The following CWH43 variants were observed in gnomAD, a reference collection of about 807,000 sequenced individuals.
The protein encoded by CWH43 is cell wall biogenesis 43 C-terminal homolog.
A neutral mutation model predicts 85.7 loss-of-function variants in CWH43; 91 were observed. That is an observed-to-expected ratio of 1.06 (90% confidence interval 0.90 to 1.26). The LOEUF is 1.26. Among genes scored for constraint, CWH43 ranks in the 50% most tolerant of loss-of-function variants. The pLI is 0.00. For missense variants in CWH43, 869 were observed against 839.2 expected (o/e 1.04, Z -0.44); for synonymous variants, 323 against 293.6 (o/e 1.10, Z -1.02).
At chr4:49,048,175 A>T (rs1218414132) in intron 14 of CWH43, among the ~76,000 whole-genome samples, 1 of 152,088 alleles carries the variant, frequency 6.6e-6, no homozygotes, top group African/African-American at 2.4e-5. Context: ...AAATGTTGGG[A>T]ACCAAGGAAC....
chr4:49,050,790 C>A lies in CWH43; in HGVS notation c.1962C>A (p.Asp654Glu), dbSNP rs1433700128. The A allele has an allele frequency of 1.9e-6, 3 of 1,612,426 alleles. No individual in the cohort carries two copies. Among genetic ancestry groups the A allele is most frequent in the Non-Finnish European group, 2.5e-6 (3 of 1,178,796 alleles). Residue 654 changes from aspartate to glutamate, a missense_variant, in exon 15 of 16, where the codon GAC becomes GAA. Asp to Glu is a conservative substitution (Grantham distance 45, BLOSUM62 2). Around this residue, in one of 3 missense-constraint regions of CWH43, gnomAD observed 577 missense variants for 513.1 expected, o/e 1.12. Transcript: ENST00000226432. ...RIPDDPTNYR[D>E]NQKVVIDHRE... is the part of the protein sequence containing the mutation. ...CTGATGACCCCACTAATTATAGAGA[C>A]AACCAGAAAGTGGTCATAGACCACA...
At chr4:49,027,957 C>T (rs76687852) in intron 9 of CWH43, among the ~76,000 whole-genome samples, 2,746 of 152,224 alleles carry the variant, frequency 0.018, 36 homozygotes, top group South Asian at 0.035. Flanking sequence ...CTTGACCTTT[C>T]CAGTACAGCA....
At chr4:49,039,532 T>C (rs528295666) in intron 13 of CWH43, among the ~76,000 whole-genome samples, 1 of 149,068 alleles carries the variant, frequency 6.7e-6, no homozygotes, top group African/African-American at 2.5e-5. Flanking sequence ...CTTGGTCCCT[T>C]TCATTCCATT....
At position 49,011,620 on chromosome 4, in the gene CWH43, C is replaced by T. The variant is rs190287404; in HGVS notation, c.1186+4294C>T. ...CTGGTTGGCGTGTTTTTGCAGGTACCGGTTGTTCCTGTCCATGTTTAGTGC... is the reference window on the plus strand; with the variant it reads ...CTGGTTGGCGTGTTTTTGCAGGTACTGGTTGTTCCTGTCCATGTTTAGTGC... On this transcript the variant is annotated intron_variant, in intron 8 of 15. Transcript: ENST00000226432. Among the ~76,000 whole-genome samples the T allele has an allele frequency of 2.4e-4, 37 of 152,140 alleles. No individual in the cohort carries two copies. The East Asian group carries it at 6.6e-3, about 27-fold the overall frequency.
rs367624415 is a variant in CWH43, at chr4:49,030,958, G to A, written c.1506G>A (p.Trp502Ter). The change falls in exon 11 of 16, where the codon TGG becomes TGA. Residue 502 changes from tryptophan to a stop codon, truncating the protein, a stop_gained and splice_region_variant. Transcript: ENST00000226432. LOFTEE classifies it high-confidence loss of function. ...GTCCAAGCACAAGGTATCACACTTG[G>A]GGGTGAGTATACCTTGGGAGTTAAT... ...DFGPSTRYHT[W>*]GIMALSRYPI... 2.6e-5 allele frequency: 41 copies of A among 1,586,920 alleles called. No homozygotes were observed. Among genetic ancestry groups the A allele is most frequent in the Non-Finnish European group, 3.4e-5 (40 of 1,170,592 alleles).
intron 1 of CWH43, chr4:48,986,710 C>G (rs1054438571): frequency 7.4e-7 from 1 of 1,349,320 alleles, no homozygotes; most frequent in Non-Finnish European, 9.5e-7. Context: ...CCCCGTCGCC[C>G]GAGTTCCCAG....
Position 49,044,833 on chromosome 4 carries a change from T to G in CWH43, c.1851T>G (p.Tyr617Ter), listed in dbSNP as rs761962141. 2.5e-6 allele frequency: 4 copies of G among 1,613,150 alleles called. No individual in the cohort carries two copies. In the East Asian group the frequency reaches 6.7e-5, roughly 27 times the overall value. ...DHDRWCEYIM[Y>*]RGLIRLGYAR... is the part of the protein sequence containing the mutation. ...ACAGATGGTGTGAATACATTATGTA[T>G]CGAGGGCTGATCAGGTGAGCACAGG... Residue 617 changes from tyrosine (Y) to a stop codon, truncating the protein, a stop_gained, in exon 14 of 16, where the codon TAT (tyrosine) becomes TAG (stop). Transcript: ENST00000226432. LOFTEE classifies it high-confidence loss of function.
chr4:49,026,719 T>C (rs1466677351), intron 9 of CWH43, among the ~76,000 whole-genome samples: 1 of 152,218 alleles, frequency 6.6e-6, no homozygotes, highest in African/African-American at 2.4e-5. Flanking sequence ...CATTATTTTG[T>C]TCCTTTTCAT....
At chr4:49,020,416 C>CACACACACACACACACATATAT (rs140534523) in intron 9 of CWH43, among the ~76,000 whole-genome samples, 30 of 128,390 alleles carry the variant, frequency 2.3e-4, no homozygotes, top group Admixed American at 5.4e-4. Context: ...CACACACACA[C>CACACACACACACACACATATAT]ATATATATAT....
intron 13 of CWH43, among the ~76,000 whole-genome samples, chr4:49,043,074 T>C (rs973890020): frequency 2.6e-5 from 4 of 152,162 alleles, no homozygotes; most frequent in Admixed American, 1.3e-4. Flanking sequence ...GCCTAGATGA[T>C]GCTGCATTTA....
chr4:49,039,791 A>T (rs1448317062), intron 13 of CWH43, among the ~76,000 whole-genome samples: 1 of 152,066 alleles, frequency 6.6e-6, no homozygotes, highest in Non-Finnish European at 1.5e-5. Context: ...CATGTGCACA[A>T]TGTGCAGGTT....
chr4:49,026,484 T>A (rs1288491588), intron 9 of CWH43, among the ~76,000 whole-genome samples: 1 of 152,154 alleles, frequency 6.6e-6, no homozygotes, highest in Admixed American at 6.5e-5. Context: ...TAGTTTTGCC[T>A]CCTATTTGTC....
At position 49,029,090 on chromosome 4, in the gene CWH43, G is replaced by A. The variant is rs548469812; in HGVS notation, c.1372+356G>A. On this transcript the variant is annotated intron_variant, in intron 10 of 15. Coordinates refer to ENST00000226432, the MANE Select transcript of CWH43 (RefSeq NM_025087.3). Reference sequence around the variant, plus strand: ...GGGGACCAGAAGACTTGGATCAAAAGGCAGAATGGGTTGTAGGGAAAAGAA... The same window carrying A: ...GGGGACCAGAAGACTTGGATCAAAAAGCAGAATGGGTTGTAGGGAAAAGAA... 4.6e-5 allele frequency among the ~76,000 whole-genome samples: 7 copies of A among 152,304 alleles called. No individual in the cohort carries two copies. The East Asian group carries it at 1.4e-3, about 29-fold the overall frequency.
chr4:48,993,652 T>A (rs898743378), intron 4 of CWH43, among the ~76,000 whole-genome samples: 5 of 152,236 alleles, frequency 3.3e-5, no homozygotes, highest in African/African-American at 1.2e-4. Context: ...GACCTCTTGG[T>A]TAAACAGTAC....
rs1490187499 is a variant in CWH43 at position 49,011,299 on chromosome 4, C to A, written c.1186+3973C>A. Among the ~76,000 whole-genome samples, 9 of 152,082 alleles carry A rather than the reference C, an allele frequency of 5.9e-5. No individual in the cohort carries two copies. In the East Asian group the frequency reaches 1.7e-3, roughly 29 times the overall value. Reference sequence around the variant, plus strand: ...TTGTATCAGAGACTAGGATTGCAACCCCTGCTTTTTTTTTGCTTTCCATTT... The same window carrying A: ...TTGTATCAGAGACTAGGATTGCAACACCTGCTTTTTTTTTGCTTTCCATTT... On this transcript the variant is annotated intron_variant, in intron 8 of 15. Coordinates refer to ENST00000226432, the MANE Select transcript of CWH43 (RefSeq NM_025087.3).
At chr4:48,996,369 T>G (rs1018364820) in intron 5 of CWH43, among the ~76,000 whole-genome samples, 4 of 152,268 alleles carry the variant, frequency 2.6e-5, no homozygotes, top group African/African-American at 9.6e-5. Flanking sequence ...ATATTCTGTA[T>G]TACAGATTTT....
rs766611925 is a variant in CWH43 at position 49,039,320 on chromosome 4, T to TATATACTG, written c.1803+1145_1803+1146insCTGATATA. Among the ~76,000 whole-genome samples, 192 of 30,236 alleles carry TATATACTG rather than the reference T, an allele frequency of 6.4e-3. 49 individuals carry two copies. The highest frequency in any genetic ancestry group is 0.015 in the Non-Finnish European group (175 of 11,864). 19.8% of individuals were successfully genotyped at this position (30,236 alleles called of 152,430 possible). On this transcript the variant is annotated intron_variant, in intron 13 of 15. Coordinates refer to ENST00000226432, the MANE Select transcript of CWH43 (RefSeq NM_025087.3). ...CTCAGGAGACTGATATATATATATA[T>TATATACTG]ATATATATATATACTGATGTATATA...
intron 1 of CWH43, among the ~76,000 whole-genome samples, chr4:48,987,498 T>A (rs1252687910): frequency 6.6e-6 from 1 of 152,230 alleles, no homozygotes; most frequent in Non-Finnish European, 1.5e-5. Context: ...GCTACTTGTG[T>A]AACCTTAGGT....
At chr4:49,033,579 C>T (rs770255093) in intron 12 of CWH43, among the ~76,000 whole-genome samples, 2 of 152,040 alleles carry the variant, frequency 1.3e-5, no homozygotes, top group Non-Finnish European at 2.9e-5. Flanking sequence ...AAAAGTCCTC[C>T]CAAAAAGTAA....
Sources: gnomAD v4.1 joint callset for allele counts (sites outside exome capture counted in the v4.1 genomes callset) on GRCh38, gnomAD v4.1.1 for gene constraint, gnomAD v4.1.1 regional missense constraint, MANE v1.5 for transcripts, NCBI Gene and HGNC (gene_info 2026-07-23, HGNC 2026-07-21) for gene names.